CROCC: variants seen among roughly 807,000 people sequenced by gnomAD.
CROCC encodes rootletin.
Under a neutral mutation model 245.2 loss-of-function variants are expected in CROCC, and 180 were observed. The observed-to-expected ratio is 0.73, with a 90% CI of 0.65 to 0.83. CROCC has a LOEUF of 0.83. CROCC is among the 40% of genes least tolerant of loss of function. CROCC has a pLI of 0.00. For missense variants in CROCC, 2,688 were observed against 2,779.4 expected (o/e 0.97, Z 0.74); for synonymous variants, 1,205 against 1,241.6 (o/e 0.97, Z 0.62).
chr1:16,947,752 C>T (rs2076082042), intron 17 of CROCC, among the ~76,000 whole-genome samples: 1 of 152,268 alleles, frequency 6.6e-6, no homozygotes, highest in Non-Finnish European at 1.5e-5. Context: ...TTCAGCTTCT[C>T]TGCAAGTTTA....
rs932220401 is a variant in CROCC, at chr1:16,970,680, G to C, written c.5697G>C (p.Leu1899=). 16 of 1,599,734 alleles carry C rather than the reference G, an allele frequency of 1.0e-5. No homozygotes were observed. Among genetic ancestry groups the C allele is most frequent in the Non-Finnish European group, 1.4e-5 (16 of 1,173,192 alleles). Residue 1899 remains leucine (L), a synonymous_variant, in exon 35 of 37, where the codon CTG becomes CTC. Transcript: ENST00000375541. The part of the protein sequence containing the change: ...KLRSHEDTVR[L]SAEKGRLDRT... ...GTAGCCATGAGGACACAGTGCGGCT[G>C]AGCGCAGAGAAGGGCCGCCTGGACC...
intron 1 of CROCC, among the ~76,000 whole-genome samples, chr1:16,914,470 C>A (rs1570560801): frequency 6.6e-6 from 1 of 152,276 alleles, no homozygotes; most frequent in African/African-American, 2.4e-5. Context: ...CGGCCTCTGC[C>A]CCCCGCAGAT....
chr1:16,921,921 G>C, upstream of CROCC: 1 of 1,273,604 alleles, frequency 7.9e-7, no homozygotes, highest in Non-Finnish European at 1.1e-6. Context: ...TAATCTGCCT[G>C]GTGCTCAGCA....
intron 2 of CROCC, among the ~76,000 whole-genome samples, chr1:16,923,674 CTTTTTTTTT>C (rs61063425): frequency 2.6e-4 from 27 of 103,508 alleles, no homozygotes; most frequent in African/African-American, 8.8e-4. Flanking sequence ...ACTATTCTAC[CTTTTTTTTT>C]TTTTTTTTTT....
Position 16,965,966 on chromosome 1 carries a change from G to A in CROCC, c.4576-33G>A, listed in dbSNP as rs766288255. On this transcript the variant is annotated intron_variant, in intron 28 of 36. Coordinates refer to ENST00000375541, the MANE Select transcript of CROCC (RefSeq NM_014675.5). ...GAGGTTGCAGGGTGTCAGAGCAGGG[G>A]TCTGTCTTTGTTCCCCCATGTCGGG... The A allele has an allele frequency of 1.7e-5, 28 of 1,606,562 alleles. No homozygotes were observed. In the Middle Eastern group the frequency reaches 4.9e-4, roughly 28 times the overall value.
At chr1:16,936,957 C>A in intron 9 of CROCC, 84 bp downstream of exon 9, 1 of 1,386,240 alleles carries the variant, frequency 7.2e-7, no homozygotes, top group South Asian at 1.3e-5. Context: ...AGCATCTGTT[C>A]ACTAGGGGAA....
intron 8 of CROCC, among the ~76,000 whole-genome samples, chr1:16,932,812 G>A (rs2075707628): frequency 1.3e-5 from 2 of 152,280 alleles, no homozygotes; most frequent in African/African-American, 4.8e-5. Flanking sequence ...AGAGCCCCAA[G>A]GCAGGAGGCC....
Position 16,954,786 on chromosome 1 carries a change from A to C in CROCC, c.3374A>C (p.Glu1125Ala). Residue 1125 changes from glutamate to alanine, a missense_variant, in exon 23 of 37, where the codon GAG becomes GCG. By Grantham distance (107) the Glu-to-Ala change is moderately radical (BLOSUM62 -1). This residue lies in a region of CROCC where 1,218 missense variants were observed against 1,286.3 expected (regional missense o/e 0.95). Transcript: ENST00000375541. This position sits in a 1 kb window ranked among gnomAD's most constrained non-coding sequence, Gnocchi z 4.4. ...CTGCGGGACCTACGGGCCCAGCGGG[A>C]GGAGGCTGCTGCGGCCCACGCCCAG... is the stretch of plus-strand genomic sequence containing the variant. ...SELRDLRAQR[E>A]EAAAAHAQEV... 1.3e-6 allele frequency: 2 copies of C among 1,554,264 alleles called. No individual in the cohort carries two copies. The highest frequency in any genetic ancestry group is 2.4e-5 in the South Asian group (2 of 84,300).
At chr1:16,932,919 C>A (rs2075710332) in intron 8 of CROCC, among the ~76,000 whole-genome samples, 1 of 152,276 alleles carries the variant, frequency 6.6e-6, no homozygotes, top group Non-Finnish European at 1.5e-5. Context: ...CTCAAGCAAT[C>A]CTCCTACCTC....
At chr1:16,962,627 G>C (rs539891067) in intron 27 of CROCC, among the ~76,000 whole-genome samples, 11 of 148,902 alleles carry the variant, frequency 7.4e-5, no homozygotes, top group African/African-American at 2.7e-4. Context: ...GCCCACCTCA[G>C]CCTCCCAAAG....
intron 9 of CROCC, among the ~76,000 whole-genome samples, chr1:16,937,372 A>T (rs1486247911): frequency 6.6e-6 from 1 of 152,204 alleles, no homozygotes; most frequent in Non-Finnish European, 1.5e-5. Flanking sequence ...AAAACAAAAA[A>T]AAAGAACTCG....
intron 25 of CROCC, among the ~76,000 whole-genome samples, chr1:16,956,897 T>G (rs2076257914): frequency 6.6e-6 from 1 of 152,142 alleles, no homozygotes; most frequent in Non-Finnish European, 1.5e-5. Context: ...CTGGACACTG[T>G]GGGTTCAGGC....
rs1557625049 is a variant in CROCC, at chr1:16,953,415, G to A, written c.3120G>A (p.Glu1040=). The A allele has an allele frequency of 6.2e-7, 1 of 1,610,972 alleles. No homozygotes were observed. Among genetic ancestry groups the A allele is most frequent in the South Asian group, 1.1e-5 (1 of 90,988 alleles). The change falls in exon 21 of 37, where the codon GAG becomes GAA. Residue 1040 remains glutamate, a synonymous_variant. Coordinates refer to ENST00000375541, the MANE Select transcript of CROCC (RefSeq NM_014675.5). The stretch of plus-strand genomic sequence containing the variant: ...AGGCTGAGAAGGAAGAGCTGAGTGA[G>A]GAGATTGCTGCCCTGCAGCAGGAGC... ...RLEAEKEELS[E]EIAALQQERD...
In CROCC at chr1:16,937,721, A is replaced by G. The variant is rs769709788; in HGVS notation, c.1274A>G (p.Glu425Gly). 3 of 1,610,384 alleles carry G rather than the reference A, an allele frequency of 1.9e-6. No individual in the cohort carries two copies. The highest frequency in any genetic ancestry group is 3.3e-5 in the Admixed American group (2 of 59,880). The change falls in exon 10 of 37, where the codon GAG becomes GGG. Residue 425 changes from glutamate (E) to glycine (G), a missense_variant. Transcript: ENST00000375541. ...GATCAGGTCAACAAGGACCTCACTG[A>G]GAAGCTTGAGGCCCTGGTGAGCTGC... ...EKDQVNKDLT[E>G]KLEALESLRL... is the part of the protein sequence containing the mutation.
At chr1:16,969,668 C>T in intron 32 of CROCC, 117 bp from the exon 33 acceptor site, 2 of 1,427,142 alleles carry the variant, frequency 1.4e-6, no homozygotes, top group Non-Finnish European at 9.4e-7. Flanking sequence ...TGCACCCCAC[C>T]CTCCAGGTGA....
chr1:16,943,406 C>T (rs532963325), intron 13 of CROCC, among the ~76,000 whole-genome samples: 164 of 152,182 alleles, frequency 1.1e-3, no homozygotes, highest in Non-Finnish European at 2.0e-3. Flanking sequence ...GACATGGTGG[C>T]GGGCGCCTGT....
Position 16,966,478 on chromosome 1 carries a change from G to A in CROCC, c.4767G>A (p.Arg1589=). The change falls in exon 30 of 37, where the codon CGG becomes CGA. Residue 1589 remains arginine, a synonymous_variant. Transcript: ENST00000375541. This position sits in a 1 kb window ranked among gnomAD's most constrained non-coding sequence, Gnocchi z 4.8. ...AELALQEESV[R]RSERERRATL... is the part of the protein sequence containing the mutation. ...TGGCGCTGCAGGAGGAGAGTGTGCG[G>A]CGCAGTGAGCGGGAGCGCCGGGCCA... is the stretch of plus-strand genomic sequence containing the variant. The A allele has an allele frequency of 6.5e-7, 1 of 1,535,518 alleles. No homozygotes were observed. Among genetic ancestry groups the A allele is most frequent in the Non-Finnish European group, 8.7e-7 (1 of 1,145,570 alleles).
chr1:16,936,817 G>A lies in CROCC; in HGVS notation c.1137G>A (p.Lys379=). Residue 379 remains lysine, a synonymous_variant, in exon 9 of 37, where the codon AAG becomes AAA. Transcript: ENST00000375541. ...TGCGGGACAAGGTGCTCCGCGAGAAGGACCTGGCGCAGCAGCAGATGCAAA... is the reference window on the plus strand; with the variant it reads ...TGCGGGACAAGGTGCTCCGCGAGAAAGACCTGGCGCAGCAGCAGATGCAAA... ...EQLRDKVLRE[K]DLAQQQMQSD... 6.2e-7 allele frequency: 1 copy of A among 1,612,316 alleles called. No individual in the cohort carries two copies. The highest frequency in any genetic ancestry group is 8.5e-7 in the Non-Finnish European group (1 of 1,179,830).
At chr1:16,915,078 C>T (rs936704472) in intron 1 of CROCC, among the ~76,000 whole-genome samples, 2 of 151,268 alleles carry the variant, frequency 1.3e-5, no homozygotes, top group African/African-American at 4.9e-5. Context: ...TTAACCCTCC[C>T]CTCCCCAAGT....
Sources: allele counts gnomAD v4.1 joint callset (sites outside exome capture counted in the v4.1 genomes callset), GRCh38; gene constraint gnomAD v4.1.1; regional missense constraint gnomAD v4.1.1; non-coding constraint Gnocchi (gnomAD v3.1); transcripts MANE v1.5; gene names NCBI Gene and HGNC (gene_info 2026-07-23, HGNC 2026-07-21).